PGM3: variants seen among roughly 807,000 people sequenced by gnomAD.
PGM3 encodes phosphoacetylglucosamine mutase.
A neutral mutation model predicts 66.2 loss-of-function variants in PGM3; 40 were observed. The observed-to-expected ratio is 0.60, with a 90% CI of 0.47 to 0.79. The LOEUF is 0.79. Ranked by LOEUF, PGM3 falls within the 30% of genes least tolerant of loss-of-function variation. PGM3 has a pLI of 0.00. For synonymous variants in PGM3, 191 were observed against 224.2 expected, an observed-to-expected ratio of 0.85 and a Z score of 1.32; for missense variants, 537 against 643.4, an observed-to-expected ratio of 0.83 and a Z score of 1.79.
downstream of PGM3, among the ~76,000 whole-genome samples, chr6:83,163,116 G>A (rs912039019): frequency 6.6e-6 from 1 of 152,068 alleles, no homozygotes; most frequent in African/African-American, 2.4e-5. Flanking sequence ...GTATTTTAAA[G>A]GAATATGCGG....
At chr6:83,154,404 T>A in the PGM3 span, 2 of 617,918 alleles carry the variant, frequency 3.2e-6, no homozygotes, top group South Asian at 2.1e-5. Flanking sequence ...TTCTGTACGC[T>A]ATGGGAATAT....
chr6:83,189,789 C>T (rs1209583238), intron 2 of PGM3, among the ~76,000 whole-genome samples: 2 of 152,174 alleles, frequency 1.3e-5, no homozygotes, highest in African/African-American at 4.8e-5. Flanking sequence ...GGTATATATA[C>T]ACAATAGAAT....
At position 83,166,129 on chromosome 6, in the gene PGM3, C is replaced by T. The variant is rs1785465789; in HGVS notation, c.*3105G>A. 2.2e-6 allele frequency: 1 copy of T among 451,692 alleles called. No individual in the cohort carries two copies. Among genetic ancestry groups the T allele is most frequent in the Non-Finnish European group, 3.9e-6 (1 of 256,398 alleles). 28.0% of individuals were successfully genotyped at this position (451,692 alleles called of 1,614,324 possible). On this transcript the variant is annotated 3_prime_UTR_variant, in exon 13 of 13. Coordinates refer to ENST00000513973, the MANE Select transcript of PGM3 (RefSeq NM_015599.3). ...GTTGCATAGAATAGAGAAAATGACA[C>T]TTCAAAACAACGAATTTTTTTATTT...
chr6:83,151,461 A>ATG, the PGM3 span: 2 of 568,660 alleles, frequency 3.5e-6, no homozygotes, highest in Non-Finnish European at 5.9e-6. Context: ...GTCATAGGAT[A>ATG]TGTATATATA....
chr6:83,171,853 TGTCA>T (rs1562411851), intron 11 of PGM3, 80 bp downstream of exon 11: 6 of 1,075,044 alleles, frequency 5.6e-6, no homozygotes, highest in Non-Finnish European at 7.0e-6. Context: ...AGGAAACATA[TGTCA>T]GTGAGATATA....
chr6:83,151,752 C>T, the PGM3 span: 2 of 1,434,626 alleles, frequency 1.4e-6, no homozygotes, highest in African/African-American at 1.4e-5. Context: ...AAGTTTCTTT[C>T]AACTCTGAAC....
At chr6:83,154,551 C>T in the PGM3 span, among the ~76,000 whole-genome samples, 2 of 152,028 alleles carry the variant, frequency 1.3e-5, no homozygotes, top group Non-Finnish European at 2.9e-5. Flanking sequence ...AGCATCATAC[C>T]CAGCACATAA....
chr6:83,154,120 A>G, the PGM3 span: 4 of 1,610,678 alleles, frequency 2.5e-6, no homozygotes, highest in Middle Eastern at 1.6e-4. Flanking sequence ...CTGGAAAGTT[A>G]GAATACTGTT....
chr6:83,162,923 T>C, downstream of PGM3: 1 of 1,609,280 alleles, frequency 6.2e-7, no homozygotes. Flanking sequence ...AGCAAAGGTA[T>C]CGCATTCTTT....
At position 83,170,403 on chromosome 6, in the gene PGM3, T is replaced by C. The variant is rs376366856; in HGVS notation, c.1441A>G (p.Ile481Val). 1.2e-6 allele frequency: 2 copies of C among 1,614,118 alleles called. No homozygotes were observed. The highest frequency in any genetic ancestry group is 1.7e-6 in the Non-Finnish European group (2 of 1,179,982). Residue 481 changes from isoleucine to valine, a missense_variant, in exon 12 of 13, where the codon ATC becomes GTC. Transcript: ENST00000513973. ...TTGTACTTCTTCACCAGGTCATTGA[T>C]TGCCTCCTGTAATCCTGGGGGTGTA... ...AVTPPGLQEA[I>V]NDLVKKYKLS... is the part of the protein sequence containing the mutation.
At chr6:83,172,158 A>C in intron 10 of PGM3, 99 bp from the exon 11 acceptor site, 1 of 1,208,178 alleles carries the variant, frequency 8.3e-7, no homozygotes, top group Non-Finnish European at 1.2e-6. Context: ...CAGGTTGAAC[A>C]ACCTGAATCT....
At chr6:83,172,210 C>G (rs1166332228) in intron 10 of PGM3, 151 bp from the exon 11 acceptor site, 2 of 739,584 alleles carry the variant, frequency 2.7e-6, no homozygotes, top group South Asian at 1.8e-5. Context: ...TGAAAAATTC[C>G]ACACCTGGCC....
intron 6 of PGM3, 90 bp downstream of exon 6, chr6:83,181,646 T>C: frequency 1.1e-6 from 1 of 872,646 alleles, no homozygotes; most frequent in Non-Finnish European, 1.8e-6. Flanking sequence ...AGCTGCAAGA[T>C]TCTTAACTCA....
At position 83,167,242 on chromosome 6, in the gene PGM3, A is replaced by G. The variant is rs1037568254; in HGVS notation, c.*1992T>C. 1 of 971,800 alleles carries G rather than the reference A, an allele frequency of 1.0e-6. No homozygotes were observed. The highest frequency in any genetic ancestry group is 1.8e-5 in the African/African-American group (1 of 56,920). The allele number at this position is 971,800 out of a possible 1,614,324, so 60.2% of individuals were successfully genotyped here. On this transcript the variant is annotated 3_prime_UTR_variant, in exon 13 of 13. Transcript: ENST00000513973. ...ATGGCAGAGCCAGCACACTAACTCA[A>G]TTCCTTTGACTCCAGGTCCAGCTTT... is the stretch of plus-strand genomic sequence containing the variant.
chr6:83,187,106 CCCATCCTGAAACTGGCAGGGTTGCTGGT>C, intron 3 of PGM3, 31 bp from the exon 4 acceptor site: 1 of 1,417,952 alleles, frequency 7.1e-7, no homozygotes, highest in South Asian at 1.2e-5. Context: ...AATAATATAT[CCCATCCTGAAACTGGCAGGGTTGCTGGT>C]TCTGCAAGCA....
In PGM3 at chr6:83,193,172, G is replaced by C. The variant is rs1789300002; in HGVS notation, c.-3+7C>G. ...TTCTCAACTCCGAGCCTCGGGGCCC[G>C]GCTTACCTCGGTCAGGAAGCCCCCT... On this transcript the variant is annotated splice_region_variant and intron_variant, in intron 1 of 12. Transcript: ENST00000513973. 6.6e-6 allele frequency: 1 copy of C among 152,086 alleles called. No individual in the cohort carries two copies. The highest frequency in any genetic ancestry group is 2.4e-5 in the African/African-American group (1 of 41,360). The allele number at this position is 152,086 out of a possible 1,614,324, so 9.4% of individuals were successfully genotyped here.
chr6:83,148,983 T>C, the PGM3 span: 83 of 567,382 alleles, frequency 1.5e-4, 2 homozygotes, highest in South Asian at 3.1e-3. Flanking sequence ...CATAGTGTTC[T>C]TGAGATGCAA....
rs1417367852 is a variant in PGM3, at chr6:83,168,394, A to C, written c.*840T>G. 1 of 1,286,410 alleles carries C rather than the reference A, an allele frequency of 7.8e-7. No homozygotes were observed. The highest frequency in any genetic ancestry group is 9.8e-7 in the Non-Finnish European group (1 of 1,017,440). 79.7% of individuals were successfully genotyped at this position (1,286,410 alleles called of 1,614,324 possible). Reference sequence around the variant, plus strand: ...TGGTGCCTAAGAGAGCTATATATATACACATGTAAAGTCCATTGTTTTTAT... The same window carrying C: ...TGGTGCCTAAGAGAGCTATATATATCCACATGTAAAGTCCATTGTTTTTAT... On this transcript the variant is annotated 3_prime_UTR_variant, in exon 13 of 13. Coordinates refer to ENST00000513973, the MANE Select transcript of PGM3 (RefSeq NM_015599.3).
downstream of PGM3, chr6:83,157,303 C>T (rs1437702144): frequency 6.2e-7 from 1 of 1,613,408 alleles, no homozygotes; most frequent in Admixed American, 1.7e-5. Flanking sequence ...TCTGGCCTAC[C>T]ATGATTACAG....
Sources: allele counts gnomAD v4.1 joint callset (sites outside exome capture counted in the v4.1 genomes callset), GRCh38; gene constraint gnomAD v4.1.1; transcripts MANE v1.5; gene names NCBI Gene and HGNC (gene_info 2026-07-23, HGNC 2026-07-21).